Variants in XKR4 observed in about 807,000 individuals in gnomAD.
XKR4 encodes XK-related protein 4.
A neutral mutation model predicts 53.9 loss-of-function variants in XKR4; 12 were observed. The observed-to-expected ratio is 0.22, with a 90% CI of 0.14 to 0.36. The LOEUF is 0.36. Ranked by LOEUF, XKR4 falls within the 10% of genes least tolerant of loss-of-function variation. The pLI, the probability that XKR4 is intolerant of heterozygous loss-of-function variation, is 1.00. For synonymous variants in XKR4, 354 were observed against 362.4 expected, an observed-to-expected ratio of 0.98 and a Z score of 0.26; for missense variants, 799 against 859.5, an observed-to-expected ratio of 0.93 and a Z score of 0.88.
rs914330156 is a variant in XKR4 at position 55,533,532 on chromosome 8, T to C, written c.*9305T>C. 8 of 152,156 alleles carry C rather than the reference T, an allele frequency of 5.3e-5. No homozygotes were observed. The highest frequency in any genetic ancestry group is 8.8e-5 in the Non-Finnish European group (6 of 68,032). The allele number at this position is 152,156 out of a possible 1,614,324, so 9.4% of individuals were successfully genotyped here. A position where few individuals can be genotyped will look rare whatever the true frequency, so the allele number is the denominator to read the frequency against. On this transcript the variant is annotated 3_prime_UTR_variant, in exon 3 of 3. Transcript: ENST00000327381. ...GGAAGCTTGGGGCTCTGTGGAAAGA[T>C]GTAAATCCCTCCTGCTGTAAGAGGA...
Position 55,530,971 on chromosome 8 carries a change from CTGGCTATT to C in XKR4, c.*6745_*6752del, listed in dbSNP as rs1806944856. The C allele has an allele frequency of 6.6e-6, 1 of 152,142 alleles. No individual in the cohort carries two copies. Among genetic ancestry groups the C allele is most frequent in the East Asian group, 1.9e-4 (1 of 5,194 alleles). 9.4% of individuals were successfully genotyped at this position (152,142 alleles called of 1,614,324 possible). A position where few individuals can be genotyped will look rare whatever the true frequency, so the allele number is the denominator to read the frequency against. On this transcript the variant is annotated 3_prime_UTR_variant, in exon 3 of 3. Transcript: ENST00000327381. ...AAGTTGCACTGGAATAGCTCATAGTCTGGCTATTAGCAGCACAATCATAGTTTTCTGAC... is the reference window on the plus strand; with the variant it reads ...AAGTTGCACTGGAATAGCTCATAGTCAGCAGCACAATCATAGTTTTCTGAC...
Position 55,445,802 on chromosome 8 carries a change from T to G in XKR4, c.1007-77479T>G, listed in dbSNP as rs373584256. Reference sequence around the variant, plus strand: ...GAAAAACAATTGTAAGAGTAACGGTTACCACAGTAAGAGTAGCAACAAGGT... The same window carrying G: ...GAAAAACAATTGTAAGAGTAACGGTGACCACAGTAAGAGTAGCAACAAGGT... On this transcript the variant is annotated intron_variant, in intron 2 of 2. Coordinates refer to ENST00000327381, the MANE Select transcript of XKR4 (RefSeq NM_052898.2). 5.3e-5 allele frequency among the ~76,000 whole-genome samples: 8 copies of G among 152,320 alleles called. No individual in the cohort carries two copies. In the South Asian group the frequency reaches 1.7e-3, roughly 32 times the overall value.
chr8:55,161,720 G>T (rs993980219), intron 1 of XKR4: 4 of 432,260 alleles, frequency 9.3e-6, no homozygotes, highest in African/African-American at 8.1e-5. Flanking sequence ...CTCCAGGCAG[G>T]TGCCACCCAT....
At chr8:55,168,571 G>A (rs1817103393) in intron 1 of XKR4, among the ~76,000 whole-genome samples, 1 of 152,138 alleles carries the variant, frequency 6.6e-6, no homozygotes, top group South Asian at 2.1e-4. Context: ...CCTCACCTTG[G>A]AAAGAACAGA....
chr8:55,458,023 A>G (rs1276097580), intron 2 of XKR4, among the ~76,000 whole-genome samples: 1 of 152,224 alleles, frequency 6.6e-6, no homozygotes, highest in Non-Finnish European at 1.5e-5. Flanking sequence ...TCACTGATTG[A>G]AAAACATTAT....
At chr8:55,225,844 A>C (rs1053451266) in intron 1 of XKR4, among the ~76,000 whole-genome samples, 2 of 152,242 alleles carry the variant, frequency 1.3e-5, no homozygotes, top group African/African-American at 4.8e-5. Context: ...TACTATTATA[A>C]TGTCTCAAGT....
At chr8:55,360,925 G>A (rs959152245) in intron 2 of XKR4, among the ~76,000 whole-genome samples, 1 of 152,212 alleles carries the variant, frequency 6.6e-6, no homozygotes, top group African/African-American at 2.4e-5. Flanking sequence ...AACTGTTGGA[G>A]CATAATTGTT....
chr8:55,208,168 A>G (rs1208212298), intron 1 of XKR4, among the ~76,000 whole-genome samples: 1 of 152,198 alleles, frequency 6.6e-6, no homozygotes, highest in Non-Finnish European at 1.5e-5. Flanking sequence ...ACCTTTTTGT[A>G]TGTGGTCAGA....
intron 1 of XKR4, among the ~76,000 whole-genome samples, chr8:55,221,124 C>A (rs552621183): frequency 6.6e-6 from 1 of 152,352 alleles, no homozygotes; most frequent in Non-Finnish European, 1.5e-5. Context: ...GCAAGGCTGG[C>A]CGGCCAATGT....
chr8:55,196,930 G>A (rs1817514022), intron 1 of XKR4, among the ~76,000 whole-genome samples: 1 of 152,120 alleles, frequency 6.6e-6, no homozygotes, highest in African/African-American at 2.4e-5. Flanking sequence ...GGTAGCGTTG[G>A]CTCAACAGAG....
At chr8:55,302,210 A>G (rs1326823558) in intron 1 of XKR4, among the ~76,000 whole-genome samples, 6 of 152,200 alleles carry the variant, frequency 3.9e-5, no homozygotes, top group African/African-American at 1.2e-4. Context: ...AGCTTTCTAC[A>G]TATGGCCAGC....
intron 2 of XKR4, among the ~76,000 whole-genome samples, chr8:55,445,047 T>TTTTTG (rs1805324592): frequency 6.6e-6 from 1 of 152,166 alleles, no homozygotes; most frequent in African/African-American, 2.4e-5. Flanking sequence ...TGAATTTTGT[T>TTTTTG]TTTTTGTTTT....
At chr8:55,447,166 C>A (rs928460190) in intron 2 of XKR4, among the ~76,000 whole-genome samples, 2 of 152,034 alleles carry the variant, frequency 1.3e-5, no homozygotes, top group African/African-American at 4.8e-5. Flanking sequence ...TTATGATCTG[C>A]CAGCCAAGAA....
At chr8:55,253,735 T>TC (rs1554572567) in intron 1 of XKR4, among the ~76,000 whole-genome samples, 3 of 129,958 alleles carry the variant, frequency 2.3e-5, no homozygotes, top group East Asian at 5.6e-4. Flanking sequence ...TCTTTTCTTT[T>TC]TTTTTTTTTT....
chr8:55,154,140 T>C (rs569793918), intron 1 of XKR4, among the ~76,000 whole-genome samples: 1 of 152,320 alleles, frequency 6.6e-6, no homozygotes, highest in East Asian at 1.9e-4. Context: ...GGAAGATTAG[T>C]AGCATTTCTG....
At chr8:55,272,059 G>A (rs969351305) in intron 1 of XKR4, among the ~76,000 whole-genome samples, 2 of 152,192 alleles carry the variant, frequency 1.3e-5, no homozygotes, top group Non-Finnish European at 2.9e-5. Flanking sequence ...ACATAAAGGT[G>A]GTGGTGGCAG....
chr8:55,517,166 T>A (rs529826977), intron 2 of XKR4: 1 of 152,282 alleles, frequency 6.6e-6, no homozygotes, highest in East Asian at 1.9e-4. Context: ...AAAAATTACC[T>A]CTCAGGCACA....
At chr8:55,509,952 T>C (rs1042326238) in intron 2 of XKR4, among the ~76,000 whole-genome samples, 3 of 152,186 alleles carry the variant, frequency 2.0e-5, no homozygotes, top group African/African-American at 4.8e-5. Context: ...TACCTAGTAT[T>C]TGTAAAACTC....
intron 2 of XKR4, among the ~76,000 whole-genome samples, chr8:55,442,462 G>T (rs991894876): frequency 1.3e-5 from 2 of 152,122 alleles, no homozygotes; most frequent in East Asian, 1.9e-4. Flanking sequence ...GGCACCACAC[G>T]AGCCAGCAAT....
Sources: allele counts gnomAD v4.1 joint callset (sites outside exome capture counted in the v4.1 genomes callset), GRCh38; gene constraint gnomAD v4.1.1; transcripts MANE v1.5; gene names NCBI Gene and HGNC (gene_info 2026-07-23, HGNC 2026-07-21).